RBKS: variants seen among roughly 807,000 people sequenced by gnomAD.
RBKS encodes ribokinase.
RBKS carries 33 observed loss-of-function variants against 33.9 expected under a neutral mutation model. The ratio of observed to expected loss-of-function variants is 0.97; its 90% CI spans 0.74 to 1.30. The LOEUF (loss-of-function observed/expected upper bound fraction) is 1.30, where lower values mean the gene tolerates loss of function less well. Among genes scored for constraint, RBKS ranks in the 50% most tolerant of loss-of-function variants. RBKS has a pLI of 0.00. For synonymous variants in RBKS, 125 were observed against 143.0 expected (o/e 0.87, Z 0.90); for missense variants, 361 against 392.6 (o/e 0.92, Z 0.68).
chr2:27,890,160 C>A lies in RBKS; in HGVS notation c.89+97G>T. ...CATACCCAAAGCTAGCACTGTCTAT[C>A]CCTGGAGACCCAGCGCCCAAAAGCT... On this transcript the variant is annotated intron_variant, in intron 1 of 7. Transcript: ENST00000302188. This position sits in a 1 kb window ranked among gnomAD's most constrained non-coding sequence, Gnocchi z 4.8. 1 of 1,130,194 alleles carries A rather than the reference C, an allele frequency of 8.8e-7. No individual in the cohort carries two copies. Among genetic ancestry groups the A allele is most frequent in the South Asian group, 1.3e-5 (1 of 75,604 alleles). 70.0% of individuals were successfully genotyped at this position (1,130,194 alleles called of 1,614,324 possible). A position where few individuals can be genotyped will look rare whatever the true frequency, so the allele number is the denominator to read the frequency against.
chr2:27,828,727 CTGAG>C (rs1443943007), intron 6 of RBKS, among the ~76,000 whole-genome samples: 1 of 152,156 alleles, frequency 6.6e-6, no homozygotes, highest in African/African-American at 2.4e-5. Context: ...TATTTTTCTA[CTGAG>C]TGATTTAAAA....
At chr2:27,851,957 C>T (rs4583413) in intron 2 of RBKS, among the ~76,000 whole-genome samples, 52,289 of 152,106 alleles carry the variant, frequency 0.34, 10,779 homozygotes, top group East Asian at 0.63. Flanking sequence ...CTTTTGACTA[C>T]AGCAGTGAAA....
intron 1 of RBKS, among the ~76,000 whole-genome samples, chr2:27,861,818 AT>A (rs969239861): frequency 6.6e-6 from 1 of 151,108 alleles, no homozygotes; most frequent in African/African-American, 2.4e-5. Context: ...TGCCCAGCTA[AT>A]TTTTTTTGTA....
chr2:27,860,284 C>G lies in RBKS; in HGVS notation c.90-1713G>C, dbSNP rs143182511. Among the ~76,000 whole-genome samples, 1,063 of 152,266 alleles carry G rather than the reference C, an allele frequency of 7.0e-3. 2 individuals carry two copies. Among genetic ancestry groups the G allele is most frequent in the Middle Eastern group, 0.014 (4 of 294 alleles). ...TGAGATTTTGATTTGCATTAGAAATCTTAAACATCTTAGGATTCTGTTATG... is the reference window on the plus strand; with the variant it reads ...TGAGATTTTGATTTGCATTAGAAATGTTAAACATCTTAGGATTCTGTTATG... On this transcript the variant is annotated intron_variant, in intron 1 of 7. Coordinates refer to ENST00000302188, the MANE Select transcript of RBKS (RefSeq NM_022128.3).
chr2:27,790,326 C>T (rs1443126881), intron 7 of RBKS, among the ~76,000 whole-genome samples: 3 of 152,022 alleles, frequency 2.0e-5, no homozygotes, highest in African/African-American at 7.2e-5. Flanking sequence ...GGGTCACAAA[C>T]CTAAATGTAA....
intron 1 of RBKS, among the ~76,000 whole-genome samples, chr2:27,873,764 A>G (rs989432652): frequency 6.6e-6 from 1 of 152,154 alleles, no homozygotes; most frequent in Non-Finnish European, 1.5e-5. Flanking sequence ...GAAGAATTGC[A>G]TTTGAACGTA....
intron 1 of RBKS, among the ~76,000 whole-genome samples, chr2:27,859,591 T>C (rs550317691): frequency 2.8e-4 from 42 of 152,222 alleles, no homozygotes; most frequent in African/African-American, 8.7e-4. Context: ...TCTGGGGAGT[T>C]CTAGGGCAAG....
At chr2:27,861,947 A>ATTTTTTT (rs763090773) in intron 1 of RBKS, among the ~76,000 whole-genome samples, 2 of 113,726 alleles carry the variant, frequency 1.8e-5, no homozygotes, top group African/African-American at 3.5e-5. Context: ...GCCTGGCCTG[A>ATTTTTTT]TTTTTTTTTT....
intron 5 of RBKS, among the ~76,000 whole-genome samples, chr2:27,838,939 A>T (rs1371560059): frequency 2.6e-5 from 4 of 152,224 alleles, no homozygotes; most frequent in Non-Finnish European, 1.5e-5. Context: ...TGTATAGGCT[A>T]AAAGGCAGGA....
chr2:27,825,201 T>G (rs1678287408), intron 7 of RBKS, among the ~76,000 whole-genome samples: 1 of 152,192 alleles, frequency 6.6e-6, no homozygotes, highest in African/African-American at 2.4e-5. Flanking sequence ...AATAAGCATT[T>G]AGTTTTCTTA....
intron 7 of RBKS, among the ~76,000 whole-genome samples, chr2:27,817,922 G>C (rs1678129309): frequency 6.6e-6 from 1 of 152,120 alleles, no homozygotes; most frequent in African/African-American, 2.4e-5. Flanking sequence ...CTCCCACCAG[G>C]TCCCTCCCTC....
In RBKS at chr2:27,841,334, T is replaced by C. The variant is rs114974523; in HGVS notation, c.514+1733A>G. Among the ~76,000 whole-genome samples, 892 of 152,048 alleles carry C rather than the reference T, an allele frequency of 5.9e-3. 3 individuals carry two copies. The highest frequency in any genetic ancestry group is 9.5e-3 in the Non-Finnish European group (645 of 67,980). ...ACAGTGATCTCTGAGCAGTAAGGGA[T>C]AGTAGGAAAAAAAGAGAAGTTACAC... On this transcript the variant is annotated intron_variant, in intron 5 of 7. Transcript: ENST00000302188.
chr2:27,832,326 A>T (rs1427800389), intron 6 of RBKS, among the ~76,000 whole-genome samples: 2 of 152,240 alleles, frequency 1.3e-5, no homozygotes, highest in African/African-American at 4.8e-5. Context: ...CTGAAATTCA[A>T]ATTTAACTGG....
At position 27,862,938 on chromosome 2, in the gene RBKS, C is replaced by T. The variant is rs148752632; in HGVS notation, c.90-4367G>A. Among the ~76,000 whole-genome samples, 106 of 151,266 alleles carry T rather than the reference C, an allele frequency of 7.0e-4. 1 individual carries two copies. Among genetic ancestry groups the T allele is most frequent in the Non-Finnish European group, 8.8e-5 (6 of 67,956 alleles). On this transcript the variant is annotated intron_variant, in intron 1 of 7. Coordinates refer to ENST00000302188, the MANE Select transcript of RBKS (RefSeq NM_022128.3). ...GAAATCATGAAATTATGTTCAGGTT[C>T]AAGAAAGCATCTGCACAAAGCACCG...
At chr2:27,832,021 G>A (rs1678427107) in intron 6 of RBKS, among the ~76,000 whole-genome samples, 1 of 152,190 alleles carries the variant, frequency 6.6e-6, no homozygotes, top group Non-Finnish European at 1.5e-5. Flanking sequence ...CGAGAGCTCT[G>A]TTCTAATGCT....
At chr2:27,826,970 T>C (rs917865916) in intron 7 of RBKS, among the ~76,000 whole-genome samples, 1 of 151,032 alleles carries the variant, frequency 6.6e-6, no homozygotes, top group Admixed American at 6.6e-5. Flanking sequence ...AAATAATACT[T>C]GTCTCACAGA....
intron 1 of RBKS, among the ~76,000 whole-genome samples, chr2:27,859,626 C>G (rs1049616259): frequency 1.3e-5 from 2 of 151,986 alleles, no homozygotes; most frequent in African/African-American, 4.8e-5. Context: ...TCAGGTGGCA[C>G]GAACACTGGC....
At chr2:27,861,274 T>G (rs1663977065) in intron 1 of RBKS, 1 of 297,936 alleles carries the variant, frequency 3.4e-6, no homozygotes, top group Admixed American at 4.4e-5. Context: ...AGCCTCCCTT[T>G]GTCTCTTTTC....
chr2:27,890,178 C>G lies in RBKS; in HGVS notation c.89+79G>C, dbSNP rs959210944. The G allele has an allele frequency of 1.4e-6, 2 of 1,414,862 alleles. No homozygotes were observed. Among genetic ancestry groups the G allele is most frequent in the Non-Finnish European group, 2.0e-6 (2 of 1,013,886 alleles). The allele number at this position is 1,414,862 out of a possible 1,614,324, so 87.6% of individuals were successfully genotyped here. A position where few individuals can be genotyped will look rare whatever the true frequency, so the allele number is the denominator to read the frequency against. ...TGTCTATCCCTGGAGACCCAGCGCC[C>G]AAAAGCTCCACTGGGCGCATAGCGC... On this transcript the variant is annotated intron_variant, in intron 1 of 7. Transcript: ENST00000302188. The surrounding 1 kb of genome is among the most constrained non-coding windows in gnomAD (Gnocchi z 4.8).
Sources: gnomAD v4.1 joint callset for allele counts (sites outside exome capture counted in the v4.1 genomes callset) on GRCh38, gnomAD v4.1.1 for gene constraint, Gnocchi (gnomAD v3.1) non-coding constraint, MANE v1.5 for transcripts, NCBI Gene and HGNC (gene_info 2026-07-23, HGNC 2026-07-21) for gene names.